The following KATNAL1 variants were observed in gnomAD, a reference collection of about 807,000 sequenced individuals.
KATNAL1 encodes the protein katanin p60 ATPase-containing subunit A-like 1.
KATNAL1 carries 32 observed loss-of-function variants against 55.2 expected under a neutral mutation model. That is an observed-to-expected ratio of 0.58 (90% CI 0.44 to 0.78). The LOEUF (loss-of-function observed/expected upper bound fraction) is 0.78, where lower values mean the gene tolerates loss of function less well. Among genes scored for constraint, KATNAL1 ranks in the 30% least tolerant of loss-of-function variants. The probability of loss-of-function intolerance (pLI) is 0.00; values close to 1 mark genes in which losing one functional copy is unlikely to be tolerated. For synonymous variants in KATNAL1, 193 were observed against 193.6 expected, an observed-to-expected ratio of 1.00 and a Z score of 0.02; for missense variants, 466 against 600.9, an observed-to-expected ratio of 0.78 and a Z score of 2.35.
At chr13:30,243,863 T>C (rs557004386) in intron 4 of KATNAL1, among the ~76,000 whole-genome samples, 1 of 152,200 alleles carries the variant, frequency 6.6e-6, no homozygotes, top group African/African-American at 2.4e-5. Context: ...CTTGCCTAAT[T>C]TATTCATCTG....
At chr13:30,284,966 T>C (rs1242667351) in intron 1 of KATNAL1, among the ~76,000 whole-genome samples, 5 of 152,306 alleles carry the variant, frequency 3.3e-5, no homozygotes, top group Admixed American at 1.3e-4. Context: ...CCAGGAACAG[T>C]AAACCAATGA....
intron 3 of KATNAL1, among the ~76,000 whole-genome samples, chr13:30,269,243 GAC>G (rs1404514795): frequency 2.2e-4 from 33 of 152,238 alleles, no homozygotes; most frequent in Non-Finnish European, 3.2e-4. Context: ...AGCCACGCCT[GAC>G]TGGTTTTCGT....
intron 9 of KATNAL1, among the ~76,000 whole-genome samples, chr13:30,213,009 C>T (rs1462787702): frequency 2.0e-5 from 3 of 152,060 alleles, no homozygotes; most frequent in East Asian, 1.9e-4. Context: ...ATGAAGACGC[C>T]GGGACAAGAT....
intron 3 of KATNAL1, among the ~76,000 whole-genome samples, chr13:30,270,427 A>G (rs1880235955): frequency 6.6e-6 from 1 of 152,132 alleles, no homozygotes; most frequent in Non-Finnish European, 1.5e-5. Context: ...GGTGTACCCA[A>G]CAGCTCATTG....
rs1206759020 is a variant in KATNAL1, at chr13:30,205,332, G to A, written c.*3208C>T. 6.6e-6 allele frequency: 1 copy of A among 152,206 alleles called. No individual in the cohort carries two copies. The highest frequency in any genetic ancestry group is 1.5e-5 in the Non-Finnish European group (1 of 68,062). 9.4% of individuals were successfully genotyped at this position (152,206 alleles called of 1,614,324 possible). On this transcript the variant is annotated 3_prime_UTR_variant, in exon 11 of 11. Transcript: ENST00000380615. ...TAGTCCAGCTTTGTCTTGGTCCACAGAGCTCCTACTCACTGTGTCTTGGAC... is the reference window on the plus strand; with the variant it reads ...TAGTCCAGCTTTGTCTTGGTCCACAAAGCTCCTACTCACTGTGTCTTGGAC...
chr13:30,271,890 A>C (rs959745666), intron 3 of KATNAL1, among the ~76,000 whole-genome samples: 1 of 151,258 alleles, frequency 6.6e-6, no homozygotes, highest in Non-Finnish European at 1.5e-5. Flanking sequence ...AAAAAAAAAA[A>C]AAAAAAAAAA....
At chr13:30,295,344 T>C (rs1406220644) in intron 1 of KATNAL1, among the ~76,000 whole-genome samples, 5 of 152,196 alleles carry the variant, frequency 3.3e-5, no homozygotes, top group Non-Finnish European at 7.4e-5. Context: ...CCAGTCCTCA[T>C]GGATGACTCT....
chr13:30,243,608 C>CAAAA (rs139687662), intron 4 of KATNAL1, among the ~76,000 whole-genome samples: 247 of 86,354 alleles, frequency 2.9e-3, no homozygotes, highest in African/African-American at 6.5e-3. Context: ...GGTATTAAGC[C>CAAAA]AAAAAAAAAA....
Position 30,203,662 on chromosome 13 carries a change from T to G in KATNAL1, c.*4878A>C, listed in dbSNP as rs1872865990. 1 of 152,156 alleles carries G rather than the reference T, an allele frequency of 6.6e-6. No homozygotes were observed. The highest frequency in any genetic ancestry group is 1.5e-5 in the Non-Finnish European group (1 of 68,024). 9.4% of individuals were successfully genotyped at this position (152,156 alleles called of 1,614,324 possible). ...CAGAAAATGAGAAAGGTAAAATAAA[T>G]TTTATGACATTACCTAAATATTTTT... On this transcript the variant is annotated 3_prime_UTR_variant, in exon 11 of 11. Coordinates refer to ENST00000380615, the MANE Select transcript of KATNAL1 (RefSeq NM_032116.5).
At chr13:30,265,240 G>A (rs1393501473) in intron 3 of KATNAL1, among the ~76,000 whole-genome samples, 2 of 151,700 alleles carry the variant, frequency 1.3e-5, no homozygotes, top group Non-Finnish European at 2.9e-5. Flanking sequence ...GGGGGACGGG[G>A]GAGGGATAGC....
At chr13:30,270,165 C>T (rs1369329465) in intron 3 of KATNAL1, among the ~76,000 whole-genome samples, 1 of 133,812 alleles carries the variant, frequency 7.5e-6, no homozygotes, top group Non-Finnish European at 1.7e-5. Context: ...TGAGGAGCCT[C>T]TCTGCCCAGC....
chr13:30,286,571 G>A (rs181845812), intron 1 of KATNAL1, among the ~76,000 whole-genome samples: 1 of 152,362 alleles, frequency 6.6e-6, no homozygotes, highest in East Asian at 1.9e-4. Flanking sequence ...GTCTGCTGCA[G>A]GGGCAGGACC....
intron 9 of KATNAL1, among the ~76,000 whole-genome samples, chr13:30,226,014 A>C (rs1875429960): frequency 6.6e-6 from 1 of 152,226 alleles, no homozygotes; most frequent in Non-Finnish European, 1.5e-5. Context: ...CCATGACCAT[A>C]AAAAGCACAT....
chr13:30,212,412 G>A lies in KATNAL1; in HGVS notation c.1148-1970C>T, dbSNP rs547881465. Among the ~76,000 whole-genome samples, 8 of 152,372 alleles carry A rather than the reference G, an allele frequency of 5.3e-5. No homozygotes were observed. The South Asian group carries it at 8.3e-4, about 16-fold the overall frequency. ...CAATGCACAGTGGCCGGACCCTGGTGCTTGCTTGCTCATGCACCCCTCACC... is the reference window on the plus strand; with the variant it reads ...CAATGCACAGTGGCCGGACCCTGGTACTTGCTTGCTCATGCACCCCTCACC... On this transcript the variant is annotated intron_variant, in intron 9 of 10. Transcript: ENST00000380615.
chr13:30,280,223 C>G lies in KATNAL1; in HGVS notation c.163G>C (p.Val55Leu). 6.4e-7 allele frequency: 1 copy of G among 1,555,618 alleles called. No individual in the cohort carries two copies. Among genetic ancestry groups the G allele is most frequent in the Non-Finnish European group, 8.6e-7 (1 of 1,158,958 alleles). ...TATTCCTCCAATAATTCCTGCCGAA[C>G]CTTAAAAAAAAAAAATAGGCTTTAT... is the stretch of plus-strand genomic sequence containing the variant. ...DPAIKGKWQQ[V>L]RQELLEEYEQ... Residue 55 changes from valine to leucine, a missense_variant and splice_region_variant, in exon 3 of 11, where the codon GTT becomes CTT. Val to Leu is a conservative substitution (Grantham distance 32). Transcript: ENST00000380615.
At chr13:30,276,703 T>C (rs537289108) in intron 3 of KATNAL1, among the ~76,000 whole-genome samples, 1 of 152,286 alleles carries the variant, frequency 6.6e-6, no homozygotes, top group South Asian at 2.1e-4. Flanking sequence ...TGTTAACAAG[T>C]AGATAATACC....
At chr13:30,257,180 AT>A (rs148127639) in intron 3 of KATNAL1, among the ~76,000 whole-genome samples, 3,377 of 146,772 alleles carry the variant, frequency 0.023, 45 homozygotes, top group Non-Finnish European at 0.035. Flanking sequence ...TTTTGACCTA[AT>A]TTTTTTTTTT....
At chr13:30,281,122 CAAA>C (rs1263107106) in intron 2 of KATNAL1, among the ~76,000 whole-genome samples, 2 of 63,720 alleles carry the variant, frequency 3.1e-5, no homozygotes, top group Non-Finnish European at 2.8e-5. Context: ...GAATCCATGT[CAAA>C]AAAAAAAAAA....
intron 3 of KATNAL1, among the ~76,000 whole-genome samples, chr13:30,263,384 A>G (rs866014658): frequency 1.1e-3 from 163 of 151,474 alleles, no homozygotes; most frequent in African/African-American, 3.6e-3. Flanking sequence ...ATTAGGCAGG[A>G]GAAGGAAATA....
Sources: gnomAD v4.1 joint callset for allele counts (sites outside exome capture counted in the v4.1 genomes callset) on GRCh38, gnomAD v4.1.1 for gene constraint, MANE v1.5 for transcripts, NCBI Gene and HGNC (gene_info 2026-07-23, HGNC 2026-07-21) for gene names.